The following BCAR3 variants were observed in gnomAD, a reference collection of about 807,000 sequenced individuals.
BCAR3 encodes BCAR3 adaptor protein, NSP family member.
In BCAR3, 37 loss-of-function variants were observed where a neutral mutation model predicts 80.1. That is an observed-to-expected ratio of 0.46 (90% CI 0.36 to 0.61). BCAR3 has a LOEUF of 0.61. Ranked by LOEUF, BCAR3 falls within the 20% of genes least tolerant of loss-of-function variation. BCAR3 has a pLI of 0.00. For missense variants in BCAR3, 978 were observed against 1,068.2 expected (o/e 0.92, Z 1.18); for synonymous variants, 389 against 418.9 (o/e 0.93, Z 0.87).
At chr1:93,598,563 A>G (rs1674516362) in intron 3 of BCAR3, among the ~76,000 whole-genome samples, 1 of 152,182 alleles carries the variant, frequency 6.6e-6, no homozygotes, top group South Asian at 2.1e-4. Context: ...GGATGGATGC[A>G]CTGGTCCCTG....
chr1:93,653,769 G>C (rs996476714), intron 2 of BCAR3, among the ~76,000 whole-genome samples: 1 of 152,204 alleles, frequency 6.6e-6, no homozygotes, highest in South Asian at 2.1e-4. Context: ...GTGGGGACTT[G>C]TTTCAGTGAA....
At chr1:93,632,853 A>C (rs1378285214) in intron 3 of BCAR3, among the ~76,000 whole-genome samples, 2 of 152,148 alleles carry the variant, frequency 1.3e-5, no homozygotes, top group African/African-American at 4.8e-5. Flanking sequence ...CCCCGTCTCT[A>C]ATAAAAATAT....
intron 1 of BCAR3, among the ~76,000 whole-genome samples, chr1:93,677,620 A>G (rs920246590): frequency 6.6e-6 from 1 of 152,164 alleles, no homozygotes; most frequent in African/African-American, 2.4e-5. Context: ...GAAAGGAGAG[A>G]GTGATGAGAC....
intron 3 of BCAR3, among the ~76,000 whole-genome samples, chr1:93,602,750 A>G (rs1430289368): frequency 2.6e-5 from 4 of 152,260 alleles, no homozygotes; most frequent in African/African-American, 7.2e-5. Context: ...CAAAGAATGA[A>G]TAAACCCCAA....
At chr1:93,616,505 G>T (rs1322348012) in intron 3 of BCAR3, among the ~76,000 whole-genome samples, 1 of 152,174 alleles carries the variant, frequency 6.6e-6, no homozygotes, top group African/African-American at 2.4e-5. Flanking sequence ...AGAAATAGAG[G>T]ACCAGACCTG....
At chr1:93,627,124 A>G (rs1162522388) in intron 3 of BCAR3, among the ~76,000 whole-genome samples, 1 of 152,138 alleles carries the variant, frequency 6.6e-6, no homozygotes, top group Non-Finnish European at 1.5e-5. Context: ...TACTTTAATG[A>G]TTTTTCTGAT....
At chr1:93,796,526 C>T (rs968583687) in intron 2 of BCAR3, among the ~76,000 whole-genome samples, 116 of 150,720 alleles carry the variant, frequency 7.7e-4, no homozygotes, top group African/African-American at 2.6e-3. Flanking sequence ...GCGCACGGTG[C>T]GCGCACACAC....
intron 1 of BCAR3, chr1:93,681,370 C>T (rs891893261): frequency 2.0e-5 from 3 of 151,092 alleles, no homozygotes; most frequent in African/African-American, 7.3e-5. Context: ...CCAGCGCGCT[C>T]GGAGGGCCTG....
At chr1:93,647,749 G>A (rs1357847239) in intron 2 of BCAR3, among the ~76,000 whole-genome samples, 2 of 151,996 alleles carry the variant, frequency 1.3e-5, no homozygotes, top group Non-Finnish European at 2.9e-5. Context: ...CCAGCTGTAC[G>A]ATAAAGTTCC....
In BCAR3 at chr1:93,582,319, T is replaced by G; in HGVS notation, c.1668A>C (p.Val556=). The part of the protein sequence containing the change: ...NNDPKVIAQH[V]LSMDCRVARI... ...CGCTTACCCTGCAGTCCATGCTCAG[T>G]ACGTGCTGGGCGATGACCTTGGGGT... is the stretch of plus-strand genomic sequence containing the variant. The change falls in exon 7 of 12, where the codon GTA becomes GTC. Residue 556 remains valine, a synonymous_variant. Coordinates refer to ENST00000260502, the MANE Select transcript of BCAR3 (RefSeq NM_003567.4). 1 of 1,614,114 alleles carries G rather than the reference T, an allele frequency of 6.2e-7. No homozygotes were observed. The highest frequency in any genetic ancestry group is 8.5e-7 in the Non-Finnish European group (1 of 1,179,954).
At chr1:93,711,039 G>A (rs12121018) in intron 2 of BCAR3, among the ~76,000 whole-genome samples, 8,410 of 152,236 alleles carry the variant, frequency 0.055, 319 homozygotes, top group Middle Eastern at 0.13. Flanking sequence ...GGGCTGACTG[G>A]GTGTTCTCAG....
At chr1:93,802,749 G>A (rs1026822947) in intron 2 of BCAR3, among the ~76,000 whole-genome samples, 3 of 152,230 alleles carry the variant, frequency 2.0e-5, no homozygotes, top group African/African-American at 7.2e-5. Context: ...AATTTTTGCA[G>A]TAGAGAAACA....
chr1:93,655,336 T>C (rs1297004932), intron 2 of BCAR3, among the ~76,000 whole-genome samples: 1 of 152,138 alleles, frequency 6.6e-6, no homozygotes, highest in African/African-American at 2.4e-5. Context: ...AAGAAGAGGA[T>C]GTTGGCATCA....
chr1:93,697,391 G>A (rs539856622), intron 3 of BCAR3, among the ~76,000 whole-genome samples: 118 of 152,334 alleles, frequency 7.7e-4, no homozygotes, highest in African/African-American at 2.8e-3. Context: ...GCCAGAGCAG[G>A]CACCCAGGAC....
In BCAR3 at chr1:93,592,222, T is replaced by A; in HGVS notation, c.486+43A>T. The A allele has an allele frequency of 6.2e-7, 1 of 1,611,218 alleles. No homozygotes were observed. The highest frequency in any genetic ancestry group is 8.5e-7 in the Non-Finnish European group (1 of 1,179,426). On this transcript the variant is annotated intron_variant, in intron 4 of 11. Transcript: ENST00000260502. The surrounding 1 kb of genome is among the most constrained non-coding windows in gnomAD (Gnocchi z 4.8). Reference sequence around the variant, plus strand: ...GCGGGTCATCAATCTGTACATTGCCTGAGAGCAGCCGTGTATGCTCTGGAA... The same window carrying A: ...GCGGGTCATCAATCTGTACATTGCCAGAGAGCAGCCGTGTATGCTCTGGAA...
At chr1:93,766,823 C>T (rs74101503) in intron 2 of BCAR3, among the ~76,000 whole-genome samples, 14,872 of 152,212 alleles carry the variant, frequency 0.098, 930 homozygotes, top group East Asian at 0.19. Context: ...CACTAAGCTT[C>T]CAAGTAATAG....
At position 93,573,609 on chromosome 1, in the gene BCAR3, TTTA is replaced by T. The variant is rs368870879; in HGVS notation, c.1803-1771_1803-1769del. Among the ~76,000 whole-genome samples, 53 of 142,798 alleles carry T rather than the reference TTTA, an allele frequency of 3.7e-4. 2 individuals are homozygous for T. Among genetic ancestry groups the T allele is most frequent in the South Asian group, 2.4e-3 (11 of 4,636 alleles). 93.7% of individuals were successfully genotyped at this position (142,798 alleles called of 152,430 possible). On this transcript the variant is annotated intron_variant, in intron 8 of 11. Transcript: ENST00000260502. ...TCCAAACATAGACCTAAAATATATTTTTATTATTATTATTATTATTATTATTTT... is the reference window on the plus strand; with the variant it reads ...TCCAAACATAGACCTAAAATATATTTTTATTATTATTATTATTATTATTTT...
chr1:93,614,107 C>T, intron 3 of BCAR3: 1 of 1,416,102 alleles, frequency 7.1e-7, no homozygotes, highest in Non-Finnish European at 9.2e-7. Context: ...TGGGACTTTT[C>T]CCCTCTGCTG....
At chr1:93,763,029 C>T (rs942328864) in intron 2 of BCAR3, among the ~76,000 whole-genome samples, 5 of 152,230 alleles carry the variant, frequency 3.3e-5, no homozygotes, top group African/African-American at 1.2e-4. Flanking sequence ...ACAATCATGT[C>T]ATGATCTACA....
Sources: gnomAD v4.1 joint callset for allele counts (sites outside exome capture counted in the v4.1 genomes callset) on GRCh38, gnomAD v4.1.1 for gene constraint, Gnocchi (gnomAD v3.1) non-coding constraint, MANE v1.5 for transcripts, NCBI Gene and HGNC (gene_info 2026-07-23, HGNC 2026-07-21) for gene names.